The following GRIN2B variants were observed in gnomAD, a reference collection of about 807,000 sequenced individuals.
GRIN2B encodes the protein glutamate ionotropic receptor NMDA type subunit 2B.
In GRIN2B, 5 loss-of-function variants were observed where a neutral mutation model predicts 114.5. The ratio of observed to expected loss-of-function variants is 0.04; its 90% CI spans 0.02 to 0.09. GRIN2B has a LOEUF of 0.09. Ranked by LOEUF, GRIN2B falls within the 10% of genes least tolerant of loss-of-function variation. The pLI is 1.00. For missense variants in GRIN2B, 1,108 were observed against 1,943.5 expected (o/e 0.57, Z 8.08); for synonymous variants, 787 against 745.1 (o/e 1.06, Z -0.92).
At chr12:13,705,044 C>T (rs996595975) in intron 4 of GRIN2B, among the ~76,000 whole-genome samples, 1 of 150,650 alleles carries the variant, frequency 6.6e-6, no homozygotes, top group Non-Finnish European at 1.5e-5. Flanking sequence ...TATAAGCATA[C>T]CTGGATTTGA....
At chr12:13,695,507 G>T (rs909146991) in intron 4 of GRIN2B, among the ~76,000 whole-genome samples, 2 of 152,192 alleles carry the variant, frequency 1.3e-5, no homozygotes, top group African/African-American at 2.4e-5. Flanking sequence ...TGGCAAAGAA[G>T]AGAAGAATGG....
chr12:13,867,894 C>CAA (rs35373437), intron 2 of GRIN2B, among the ~76,000 whole-genome samples: 15,056 of 130,434 alleles, frequency 0.12, 836 homozygotes, highest in South Asian at 0.18. Context: ...CTGCTTGTTT[C>CAA]AAAAAAAAAA....
intron 3 of GRIN2B, among the ~76,000 whole-genome samples, chr12:13,819,487 C>T (rs1864891574): frequency 1.3e-5 from 2 of 152,152 alleles, no homozygotes; most frequent in Non-Finnish European, 2.9e-5. Flanking sequence ...TAATAAATCT[C>T]CACTTCTTTA....
At chr12:13,568,425 C>T (rs1948667801) in intron 12 of GRIN2B, among the ~76,000 whole-genome samples, 1 of 152,194 alleles carries the variant, frequency 6.6e-6, no homozygotes, top group Non-Finnish European at 1.5e-5. Flanking sequence ...CTCATGGATA[C>T]AGTCTCCATT....
chr12:13,803,634 A>G (rs1864553576), intron 3 of GRIN2B, among the ~76,000 whole-genome samples: 1 of 152,192 alleles, frequency 6.6e-6, no homozygotes, highest in Admixed American at 6.5e-5. Context: ...CTGTAAACCA[A>G]CGTAAAAACT....
At chr12:13,914,264 C>T (rs924800319) in intron 2 of GRIN2B, among the ~76,000 whole-genome samples, 3 of 152,108 alleles carry the variant, frequency 2.0e-5, no homozygotes, top group Non-Finnish European at 4.4e-5. Flanking sequence ...GCACTGAACT[C>T]AAGAGTTAGA....
intron 2 of GRIN2B, among the ~76,000 whole-genome samples, chr12:13,935,927 T>A (rs219894): frequency 0.79 from 120,347 of 152,086 alleles, 48,075 homozygotes; most frequent in Non-Finnish European, 0.86. Flanking sequence ...GATGAGCCCA[T>A]AATCATCCTG....
chr12:13,556,216 G>A lies in GRIN2B; in HGVS notation c.*6567C>T, dbSNP rs1478296265. 6.6e-6 allele frequency: 1 copy of A among 152,128 alleles called. No individual in the cohort carries two copies. The highest frequency in any genetic ancestry group is 1.9e-4 in the East Asian group (1 of 5,200). The allele number at this position is 152,128 out of a possible 1,614,324, so 9.4% of individuals were successfully genotyped here. A position where few individuals can be genotyped will look rare whatever the true frequency, so the allele number is the denominator to read the frequency against. ...AGGCCTGGCCATGACATGGGAAGCTGAATCTCTGCAATGTTTTTTCAAATA... is the reference window on the plus strand; with the variant it reads ...AGGCCTGGCCATGACATGGGAAGCTAAATCTCTGCAATGTTTTTTCAAATA... On this transcript the variant is annotated 3_prime_UTR_variant, in exon 14 of 14. Transcript: ENST00000609686.
intron 3 of GRIN2B, among the ~76,000 whole-genome samples, chr12:13,797,756 T>C (rs1864441972): frequency 6.6e-6 from 1 of 152,352 alleles, no homozygotes; most frequent in East Asian, 1.9e-4. Flanking sequence ...AAACAGACTT[T>C]ACATAATCTT....
intron 2 of GRIN2B, among the ~76,000 whole-genome samples, chr12:13,926,736 G>A (rs184199918): frequency 1.3e-5 from 2 of 152,306 alleles, no homozygotes; most frequent in East Asian, 3.9e-4. Flanking sequence ...GGCGGATCAC[G>A]AGGAGAGGAG....
intron 2 of GRIN2B, among the ~76,000 whole-genome samples, chr12:13,867,079 T>C (rs1374162983): frequency 6.6e-6 from 1 of 152,210 alleles, no homozygotes; most frequent in East Asian, 1.9e-4. Flanking sequence ...AAGGAACACA[T>C]ATTACTCCAA....
chr12:13,813,487 T>C (rs10845842), intron 3 of GRIN2B, among the ~76,000 whole-genome samples: 24,055 of 152,012 alleles, frequency 0.16, 2,455 homozygotes, highest in Non-Finnish European at 0.22. Context: ...TTGGCAGCAA[T>C]AACAACAAAA....
intron 4 of GRIN2B, among the ~76,000 whole-genome samples, chr12:13,681,529 G>T (rs1950131429): frequency 6.6e-6 from 1 of 150,980 alleles, no homozygotes; most frequent in South Asian, 2.1e-4. Flanking sequence ...CTGAAAAGCT[G>T]TAACTCTGTA....
At chr12:13,847,365 T>C (rs969996732) in intron 3 of GRIN2B, among the ~76,000 whole-genome samples, 1 of 152,030 alleles carries the variant, frequency 6.6e-6, no homozygotes, top group East Asian at 1.9e-4. Flanking sequence ...CCCACAGAGA[T>C]AGGGCATTAT....
chr12:13,679,614 C>A lies in GRIN2B; in HGVS notation c.1011-3755G>T, dbSNP rs564880093. On this transcript the variant is annotated intron_variant, in intron 4 of 13. Coordinates refer to ENST00000609686, the MANE Select transcript of GRIN2B (RefSeq NM_000834.5). ...CAAAGTATCCTTTCATCATTCATATCTGTCAGCAGCATATAGATTAATCAT... is the reference window on the plus strand; with the variant it reads ...CAAAGTATCCTTTCATCATTCATATATGTCAGCAGCATATAGATTAATCAT... 5.2e-4 allele frequency among the ~76,000 whole-genome samples: 79 copies of A among 152,252 alleles called. No homozygotes were observed. The Middle Eastern group carries it at 0.01, about 20-fold the overall frequency.
At chr12:13,814,468 T>C (rs932843000) in intron 3 of GRIN2B, among the ~76,000 whole-genome samples, 1 of 152,222 alleles carries the variant, frequency 6.6e-6, no homozygotes, top group Admixed American at 6.5e-5. Flanking sequence ...AGTTACAAAA[T>C]AACCTACAAA....
At chr12:13,593,454 C>T (rs957544229) in intron 10 of GRIN2B, among the ~76,000 whole-genome samples, 1 of 152,118 alleles carries the variant, frequency 6.6e-6, no homozygotes, top group African/African-American at 2.4e-5. Flanking sequence ...GAAAGGATTC[C>T]CTATTTAATA....
At chr12:13,953,766 G>T (rs990430997) in intron 2 of GRIN2B, among the ~76,000 whole-genome samples, 2 of 152,142 alleles carry the variant, frequency 1.3e-5, no homozygotes, top group African/African-American at 2.4e-5. Flanking sequence ...TGACCCAAAG[G>T]TTCACACTGG....
chr12:13,871,579 ATTAAG>A (rs1380223197), intron 2 of GRIN2B, among the ~76,000 whole-genome samples: 42 of 152,056 alleles, frequency 2.8e-4, no homozygotes, highest in African/African-American at 9.4e-4. Flanking sequence ...ATTAATTATA[ATTAAG>A]TTTTCACTTA....
Sources: allele counts gnomAD v4.1 joint callset (sites outside exome capture counted in the v4.1 genomes callset), GRCh38; gene constraint gnomAD v4.1.1; transcripts MANE v1.5; gene names NCBI Gene and HGNC (gene_info 2026-07-23, HGNC 2026-07-21).